The following TRPC5 variants were observed in gnomAD, a reference collection of about 807,000 sequenced individuals.
TRPC5 encodes the protein short transient receptor potential channel 5.
Under a neutral mutation model 56.5 loss-of-function variants are expected in TRPC5, and 9 were observed. That is an observed-to-expected ratio of 0.16 (90% CI 0.10 to 0.28). The LOEUF (loss-of-function observed/expected upper bound fraction) is 0.28. Ranked by LOEUF, TRPC5 falls within the 10% of genes least tolerant of loss-of-function variation. The probability of loss-of-function intolerance (pLI) is 1.00; values close to 1 mark genes in which losing one functional copy is unlikely to be tolerated. For synonymous variants in TRPC5, 282 were observed against 278.5 expected (o/e 1.01, Z -0.13); for missense variants, 469 against 748.9 (o/e 0.63, Z 4.36).
chrX:111,817,833 G>C (rs1292365141), intron 7 of TRPC5, among the ~76,000 whole-genome samples: 1 of 111,625 alleles, frequency 9.0e-6, no homozygotes, highest in Non-Finnish European at 1.9e-5. Context: ...TTCATTTCCT[G>C]TCTATGGGGT....
intron 3 of TRPC5, among the ~76,000 whole-genome samples, chrX:111,865,565 A>T (rs923601948): frequency 7.3e-5 from 8 of 110,040 alleles, no homozygotes; most frequent in African/African-American, 2.7e-4. Context: ...TGCCCTCGTG[A>T]TCTGCCCACC....
chrX:112,078,041 T>C (rs1289069864), intron 1 of TRPC5, among the ~76,000 whole-genome samples: 1 of 111,739 alleles, frequency 8.9e-6, no homozygotes, highest in Non-Finnish European at 1.9e-5. Context: ...AAAACTACTA[T>C]GGTGCAGAAC....
intron 7 of TRPC5, among the ~76,000 whole-genome samples, chrX:111,808,722 C>T (rs1921603252): frequency 9.1e-6 from 1 of 109,698 alleles, no homozygotes; most frequent in Non-Finnish European, 1.9e-5. Flanking sequence ...AGGGGTCTCT[C>T]CCTGTAGCCA....
chrX:111,832,398 A>T (rs768804214), intron 7 of TRPC5, among the ~76,000 whole-genome samples: 6 of 112,429 alleles, frequency 5.3e-5, no homozygotes, highest in Non-Finnish European at 9.4e-5. Flanking sequence ...CCTAGACTGA[A>T]TCAGCCTGTG....
At chrX:111,854,145 C>G in intron 3 of TRPC5, 39 bp from the exon 4 acceptor site, 2 of 1,149,220 alleles carry the variant, frequency 1.7e-6, no homozygotes, top group Non-Finnish European at 2.3e-6. Context: ...TCTGGAATGT[C>G]CAGGAGAAAG....
intron 1 of TRPC5, among the ~76,000 whole-genome samples, chrX:111,980,261 C>T (rs548383854): frequency 1.9e-4 from 21 of 111,357 alleles, no homozygotes; most frequent in Middle Eastern, 4.7e-3. Context: ...ATACAATATT[C>T]TTGAAAATTA....
intron 1 of TRPC5, among the ~76,000 whole-genome samples, chrX:112,024,288 A>C (rs970199920): frequency 9.0e-6 from 1 of 111,687 alleles, no homozygotes; most frequent in African/African-American, 3.3e-5. Context: ...GAATTGGTAG[A>C]CTGAGTGAAG....
chrX:111,891,622 C>T (rs1443541396), intron 3 of TRPC5, among the ~76,000 whole-genome samples: 1 of 111,623 alleles, frequency 9.0e-6, no homozygotes, highest in Non-Finnish European at 1.9e-5. Flanking sequence ...CTCACTGCAA[C>T]CTCCGCCTCC....
At chrX:111,905,082 C>T (rs1448506374) in intron 3 of TRPC5, among the ~76,000 whole-genome samples, 6 of 109,650 alleles carry the variant, frequency 5.5e-5, no homozygotes, top group African/African-American at 2.0e-4. Flanking sequence ...AATTATATTC[C>T]ATTTAAGGCT....
chrX:111,913,864 G>A lies in TRPC5; in HGVS notation c.379-1052C>T, dbSNP rs751103803. 8.8e-3 allele frequency among the ~76,000 whole-genome samples: 956 copies of A among 108,543 alleles called. 11 individuals carry two copies. The highest frequency in any genetic ancestry group is 0.013 in the Non-Finnish European group (659 of 52,299). 94.3% of individuals were successfully genotyped at this position (108,543 alleles called of 115,157 possible). On this transcript the variant is annotated intron_variant, in intron 2 of 10. Coordinates refer to ENST00000262839, the MANE Select transcript of TRPC5 (RefSeq NM_012471.3). Reference sequence around the variant, plus strand: ...AGTCCCAGCTACGTGGGAGCCTGAGGCAGGAGAATGGCATGAACCCAGGAG... The same window carrying A: ...AGTCCCAGCTACGTGGGAGCCTGAGACAGGAGAATGGCATGAACCCAGGAG...
rs377585867 is a variant in TRPC5 at position 111,974,373 on chromosome X, C to A, written c.-21-21932G>T. On this transcript the variant is annotated intron_variant, in intron 1 of 10. Coordinates refer to ENST00000262839, the MANE Select transcript of TRPC5 (RefSeq NM_012471.3). ...TGTACAGAGAAAGTACCCCAAATAT[C>A]TGCACAGGGTCTTCCATAGGTATTA... Among the ~76,000 whole-genome samples the A allele has an allele frequency of 2.7e-5, 3 of 110,843 alleles. No individual in the cohort carries two copies. In the East Asian group the frequency reaches 8.5e-4, roughly 31 times the overall value.
In TRPC5 at chrX:111,981,038, T is replaced by C. The variant is rs143796020; in HGVS notation, c.-21-28597A>G. The stretch of plus-strand genomic sequence containing the variant: ...ATGTGTATGTATGTATATATCCGTA[T>C]ATGTATATATGAGAGAGATTTATTA... On this transcript the variant is annotated intron_variant, in intron 1 of 10. Coordinates refer to ENST00000262839, the MANE Select transcript of TRPC5 (RefSeq NM_012471.3). Among the ~76,000 whole-genome samples the C allele has an allele frequency of 7.4e-5, 8 of 108,724 alleles. No individual in the cohort carries two copies. The East Asian group carries it at 2.3e-3, about 31-fold the overall frequency. 94.4% of individuals were successfully genotyped at this position (108,724 alleles called of 115,157 possible).
chrX:111,955,851 C>T (rs1927220289), intron 1 of TRPC5, among the ~76,000 whole-genome samples: 1 of 112,379 alleles, frequency 8.9e-6, no homozygotes, highest in African/African-American at 3.2e-5. Flanking sequence ...ATGCACTAAT[C>T]TGCCATTAAC....
At chrX:111,912,259 C>A in intron 3 of TRPC5, 32 bp downstream of exon 3, 1 of 1,160,097 alleles carries the variant, frequency 8.6e-7, no homozygotes. Flanking sequence ...AGGCTTTAAG[C>A]TTCCCTGAAA....
At chrX:112,009,899 G>A (rs1272375452) in intron 1 of TRPC5, among the ~76,000 whole-genome samples, 2 of 111,216 alleles carry the variant, frequency 1.8e-5, no homozygotes, top group Non-Finnish European at 1.9e-5. Flanking sequence ...TAATGTAAAC[G>A]ACGAGTTAAT....
intron 1 of TRPC5, among the ~76,000 whole-genome samples, chrX:112,054,816 G>A (rs192703549): frequency 1.4e-3 from 157 of 111,344 alleles, no homozygotes; most frequent in African/African-American, 4.8e-3. Context: ...ATTATTCAGC[G>A]TTCAGCTTAG....
intron 3 of TRPC5, among the ~76,000 whole-genome samples, chrX:111,856,538 A>AAATAATAATAATAATAATAAT (rs750089190): frequency 7.4e-4 from 70 of 95,143 alleles, no homozygotes; most frequent in African/African-American, 2.8e-3. Flanking sequence ...GCCCTGTCTC[A>AAATAATAATAATAATAATAAT]AATAATAATA....
intron 1 of TRPC5, among the ~76,000 whole-genome samples, chrX:111,983,624 C>G (rs1928137986): frequency 8.9e-6 from 1 of 111,785 alleles, no homozygotes; most frequent in Admixed American, 9.5e-5. Context: ...AGTATATAAT[C>G]TCATGTCCAG....
Position 111,776,890 on chromosome X carries a change from T to A in TRPC5, c.2345A>T (p.Asp782Val). The A allele has an allele frequency of 8.3e-7, 1 of 1,211,600 alleles. No individual in the cohort carries two copies. Among genetic ancestry groups the A allele is most frequent in the Non-Finnish European group, 1.1e-6 (1 of 895,365 alleles). The change falls in exon 11 of 11, where the codon GAT becomes GTT. Residue 782 changes from aspartate (D) to valine (V), a missense_variant. Asp to Val is a radical substitution (Grantham distance 152). Coordinates refer to ENST00000262839, the MANE Select transcript of TRPC5 (RefSeq NM_012471.3). The part of the protein sequence containing the change: ...TSSTELSQRD[D>V]NNDGSGGARA... ...AGCCCCACCACTGCCATCATTATTA[T>A]CGTCTCTCTGAGACAGTTCAGTGCT...
Sources: gnomAD v4.1 joint callset for allele counts (sites outside exome capture counted in the v4.1 genomes callset) on GRCh38, gnomAD v4.1.1 for gene constraint, MANE v1.5 for transcripts, NCBI Gene and HGNC (gene_info 2026-07-23, HGNC 2026-07-21) for gene names.